The following DIPK1C variants were observed in gnomAD, a reference collection of about 807,000 sequenced individuals.
DIPK1C encodes familial non-conventional Alzheimer's dementia.
A neutral mutation model predicts 28.0 loss-of-function variants in DIPK1C; 33 were observed. The observed-to-expected ratio is 1.18, with a 90% CI of 0.89 to 1.58. The LOEUF is 1.58. DIPK1C is among the 40% of genes most tolerant of loss of function. The pLI is 0.00. For missense variants in DIPK1C, 569 were observed against 568.5 expected (o/e 1.00, Z -0.01); for synonymous variants, 255 against 248.8 (o/e 1.02, Z -0.23).
At chr18:74,442,389 C>T (rs1049115929) in intron 2 of DIPK1C, among the ~76,000 whole-genome samples, 2 of 152,076 alleles carry the variant, frequency 1.3e-5, no homozygotes, top group Non-Finnish European at 2.9e-5. Flanking sequence ...AGTGCAGTGG[C>T]GCGATCTGGG....
intron 3 of DIPK1C, among the ~76,000 whole-genome samples, chr18:74,440,079 G>A (rs1986087261): frequency 6.6e-6 from 1 of 151,828 alleles, no homozygotes; most frequent in Non-Finnish European, 1.5e-5. Context: ...CGAGTAGCTG[G>A]GACTGCAGGC....
rs117994493 is a variant in DIPK1C at position 74,455,520 on chromosome 18, G to A, written c.198+1542C>T. On this transcript the variant is annotated intron_variant, in intron 1 of 3. Coordinates refer to ENST00000343998, the MANE Select transcript of DIPK1C (RefSeq NM_001044369.3). Reference sequence around the variant, plus strand: ...AACTTCATAAAACTGGCCCGGTGTGGTGGTTCACGCCTGTAATCCTAGCAC... The same window carrying A: ...AACTTCATAAAACTGGCCCGGTGTGATGGTTCACGCCTGTAATCCTAGCAC... Among the ~76,000 whole-genome samples, 986 of 152,136 alleles carry A rather than the reference G, an allele frequency of 6.5e-3. 4 individuals are homozygous for A. Among genetic ancestry groups the A allele is most frequent in the Non-Finnish European group, 0.011 (723 of 67,992 alleles).
intron 3 of DIPK1C, among the ~76,000 whole-genome samples, chr18:74,440,069 C>G (rs1409746531): frequency 2.0e-5 from 3 of 151,786 alleles, no homozygotes; most frequent in Admixed American, 6.6e-5. Context: ...CTCAGCCTCC[C>G]GAGTAGCTGG....
chr18:74,455,233 A>C (rs1986480764), intron 1 of DIPK1C, among the ~76,000 whole-genome samples: 1 of 152,214 alleles, frequency 6.6e-6, no homozygotes, highest in Non-Finnish European at 1.5e-5. Context: ...ATACTAGACG[A>C]TTTAATTTCC....
intron 1 of DIPK1C, among the ~76,000 whole-genome samples, chr18:74,450,174 A>G (rs1251053223): frequency 1.3e-5 from 2 of 152,158 alleles, no homozygotes; most frequent in Admixed American, 6.5e-5. Flanking sequence ...TGGTATTTAC[A>G]TAGTTTCACG....
chr18:74,437,388 G>T (rs1986021968), intron 3 of DIPK1C, among the ~76,000 whole-genome samples: 2 of 152,102 alleles, frequency 1.3e-5, no homozygotes, highest in African/African-American at 4.8e-5. Flanking sequence ...ATTCTAATCG[G>T]GTATGAAATT....
chr18:74,460,389 A>G (rs931377765), upstream of DIPK1C, among the ~76,000 whole-genome samples: 2 of 152,244 alleles, frequency 1.3e-5, no homozygotes, highest in Admixed American at 6.5e-5. Flanking sequence ...AAAGCATACC[A>G]TATCCTTAAT....
intron 1 of DIPK1C, among the ~76,000 whole-genome samples, chr18:74,453,226 C>T (rs1986437343): frequency 2.0e-5 from 3 of 152,160 alleles, no homozygotes; most frequent in Admixed American, 2.0e-4. Context: ...TTGATAAGGT[C>T]CCAGAGGTCA....
chr18:74,436,601 A>C lies in DIPK1C; in HGVS notation c.1160T>G (p.Val387Gly), dbSNP rs778481505. Residue 387 changes from valine (V) to glycine (G), a missense_variant, in exon 4 of 4, where the codon GTC becomes GGC. Physicochemically the swap from Val to Gly is moderately radical, Grantham distance 109. Transcript: ENST00000343998. ...EAVQECADPG[V>G]PSGNTRRAAS... ...TGCTCTCCGGGTGTTCCCACTGGGGACCCCAGGGTCTGCACATTCCTGCAC... is the reference window on the plus strand; with the variant it reads ...TGCTCTCCGGGTGTTCCCACTGGGGCCCCCAGGGTCTGCACATTCCTGCAC... 4 of 1,613,154 alleles carry C rather than the reference A, an allele frequency of 2.5e-6. No individual in the cohort carries two copies. The highest frequency in any genetic ancestry group is 1.1e-5 in the South Asian group (1 of 90,974).
chr18:74,456,543 G>T (rs904736605), intron 1 of DIPK1C, among the ~76,000 whole-genome samples: 2 of 152,200 alleles, frequency 1.3e-5, no homozygotes, highest in Admixed American at 6.5e-5. Context: ...GGGGGGCCGG[G>T]GTCAGACCAG....
rs1295629546 is a variant in DIPK1C at position 74,442,059 on chromosome 18, C to T, written c.934G>A (p.Glu312Lys). 5.6e-6 allele frequency: 9 copies of T among 1,614,106 alleles called. No individual in the cohort carries two copies. The East Asian group carries it at 2.0e-4, about 36-fold the overall frequency. ...TCTTCATCTCCTGTGCAGTTTTGCT[C>T]AAGGATTTCCCTCATTTTAGGTTCA... ...FFEPKMREIL[E>K]QNCTGDEDCN... The change falls in exon 3 of 4, where the codon GAG becomes AAG. Residue 312 changes from glutamate (E) to lysine (K), a missense_variant. Glu to Lys is a moderately conservative substitution (Grantham distance 56). Transcript: ENST00000343998.
At chr18:74,456,500 C>T (rs1986515448) in intron 1 of DIPK1C, among the ~76,000 whole-genome samples, 1 of 152,204 alleles carries the variant, frequency 6.6e-6, no homozygotes, top group African/African-American at 2.4e-5. Context: ...TCCCACAGAC[C>T]GCGACCGCGG....
chr18:74,436,889 T>A (rs1986010149), intron 3 of DIPK1C, among the ~76,000 whole-genome samples, 170 bp from the exon 4 acceptor site: 1 of 145,866 alleles, frequency 6.9e-6, no homozygotes, highest in Non-Finnish European at 1.5e-5. Flanking sequence ...CCTTCACTTC[T>A]GCCCCTTAAA....
intron 3 of DIPK1C, among the ~76,000 whole-genome samples, chr18:74,440,641 C>T (rs902164485): frequency 6.6e-6 from 1 of 152,144 alleles, no homozygotes; most frequent in Non-Finnish European, 1.5e-5. Flanking sequence ...GTTCTCCTGC[C>T]AATTTTCTGT....
At chr18:74,443,402 T>G (rs1986188900) in intron 2 of DIPK1C, among the ~76,000 whole-genome samples, 1 of 152,236 alleles carries the variant, frequency 6.6e-6, no homozygotes, top group African/African-American at 2.4e-5. Context: ...AGCATCGAGA[T>G]ACCAGCCTTT....
chr18:74,452,409 AAAAC>A (rs1307959534), intron 1 of DIPK1C, among the ~76,000 whole-genome samples: 4 of 152,168 alleles, frequency 2.6e-5, no homozygotes, highest in Non-Finnish European at 4.4e-5. Context: ...CTTTTAAAAA[AAAAC>A]AGTCAACTTA....
chr18:74,463,084 C>T, the DIPK1C span, among the ~76,000 whole-genome samples: 2 of 152,192 alleles, frequency 1.3e-5, no homozygotes, highest in Admixed American at 1.3e-4. Flanking sequence ...AGCCCAAGAA[C>T]GTGGGGTGCC....
chr18:74,461,500 T>TCAAGCAATCCTCCTGCCTGGTTA (rs2144539296), upstream of DIPK1C, among the ~76,000 whole-genome samples: 1 of 151,868 alleles, frequency 6.6e-6, no homozygotes, highest in East Asian at 1.9e-4. Flanking sequence ...ACTCCTGGGT[T>TCAAGCAATCCTCCTGCCTGGTTA]CAAGCAATCC....
At chr18:74,449,996 G>A (rs144376786) in intron 1 of DIPK1C, among the ~76,000 whole-genome samples, 1 of 152,296 alleles carries the variant, frequency 6.6e-6, no homozygotes, top group East Asian at 1.9e-4. Flanking sequence ...GCCCTTCGGA[G>A]GAAAGCGGCA....
Sources: gnomAD v4.1 joint callset for allele counts (sites outside exome capture counted in the v4.1 genomes callset) on GRCh38, gnomAD v4.1.1 for gene constraint, MANE v1.5 for transcripts, NCBI Gene and HGNC (gene_info 2026-07-23, HGNC 2026-07-21) for gene names.